The following NCAM2 variants were observed in gnomAD, a reference collection of about 807,000 sequenced individuals.
The protein encoded by NCAM2 is neural cell adhesion molecule 2.
In NCAM2, 30 loss-of-function variants were observed where a neutral mutation model predicts 98.1. That is an observed-to-expected ratio of 0.31 (90% CI 0.23 to 0.41). The LOEUF (loss-of-function observed/expected upper bound fraction) is 0.41. Among genes scored for constraint, NCAM2 ranks in the 10% least tolerant of loss-of-function variants. The pLI is 1.00. For synonymous variants in NCAM2, 368 were observed against 342.4 expected (o/e 1.07, Z -0.83); for missense variants, 867 against 1,005.8 (o/e 0.86, Z 1.87).
At chr21:21,492,422 A>G (rs1370061601) in intron 15 of NCAM2, among the ~76,000 whole-genome samples, 1 of 151,848 alleles carries the variant, frequency 6.6e-6, no homozygotes, top group African/African-American at 2.4e-5. Context: ...CAGTATTTCT[A>G]TTAGTCAGCT....
chr21:21,080,884 T>A (rs2065783795), intron 1 of NCAM2, among the ~76,000 whole-genome samples: 1 of 152,020 alleles, frequency 6.6e-6, no homozygotes, highest in African/African-American at 2.4e-5. Flanking sequence ...AAAGGGAGAT[T>A]GAGGCAAGTT....
At chr21:21,427,605 G>T (rs1034532884) in intron 11 of NCAM2, among the ~76,000 whole-genome samples, 1 of 152,180 alleles carries the variant, frequency 6.6e-6, no homozygotes, top group Non-Finnish European at 1.5e-5. Context: ...ATGGGAAGAT[G>T]TTGGACAAAG....
At chr21:21,451,470 A>T (rs899209101) in intron 12 of NCAM2, among the ~76,000 whole-genome samples, 4 of 152,162 alleles carry the variant, frequency 2.6e-5, no homozygotes, top group South Asian at 2.1e-4. Context: ...CAAGATTTTT[A>T]AAAAATTCCA....
At chr21:21,335,470 G>C (rs771333532) in intron 6 of NCAM2, 35 bp from the exon 7 acceptor site, 1 of 1,552,014 alleles carries the variant, frequency 6.4e-7, no homozygotes, top group Non-Finnish European at 8.7e-7. Context: ...TATAAAGCCA[G>C]ATCTGTGAGG....
intron 1 of NCAM2, among the ~76,000 whole-genome samples, chr21:21,238,528 A>G (rs2070935237): frequency 6.9e-6 from 1 of 145,642 alleles, no homozygotes; most frequent in Non-Finnish European, 1.5e-5. Flanking sequence ...ACGTGAAATC[A>G]TAAAGATGTT....
At chr21:21,381,819 C>T (rs1051690762) in intron 9 of NCAM2, among the ~76,000 whole-genome samples, 2 of 152,092 alleles carry the variant, frequency 1.3e-5, no homozygotes, top group African/African-American at 4.8e-5. Flanking sequence ...ATTCTTCCTT[C>T]ATTTTTGAAG....
At chr21:21,502,686 T>C (rs1024913989) in intron 15 of NCAM2, among the ~76,000 whole-genome samples, 14 of 152,118 alleles carry the variant, frequency 9.2e-5, no homozygotes, top group African/African-American at 3.4e-4. Context: ...AAAGATACCG[T>C]ACGTAGTAAT....
chr21:21,368,535 G>T (rs943292031), intron 8 of NCAM2, among the ~76,000 whole-genome samples: 22 of 151,820 alleles, frequency 1.4e-4, no homozygotes, highest in African/African-American at 4.1e-4. Flanking sequence ...TCTAGAGACT[G>T]GGAAGTCCAA....
At chr21:21,273,412 A>G (rs2072605675) in intron 1 of NCAM2, among the ~76,000 whole-genome samples, 1 of 152,166 alleles carries the variant, frequency 6.6e-6, no homozygotes, top group African/African-American at 2.4e-5. Flanking sequence ...TATATACTAT[A>G]CTATATACTA....
chr21:21,487,139 AT>A (rs758404351), intron 15 of NCAM2, among the ~76,000 whole-genome samples: 3 of 152,260 alleles, frequency 2.0e-5, no homozygotes, highest in East Asian at 3.9e-4. Context: ...AACCTTAGAC[AT>A]TTTACATCCT....
At chr21:21,097,109 C>T (rs1451196583) in intron 1 of NCAM2, among the ~76,000 whole-genome samples, 5 of 151,684 alleles carry the variant, frequency 3.3e-5, no homozygotes, top group East Asian at 1.9e-4. Context: ...GTAAACATCA[C>T]GTGGGTTTTT....
intron 1 of NCAM2, among the ~76,000 whole-genome samples, chr21:21,042,341 C>A (rs2146264908): frequency 6.6e-6 from 1 of 152,194 alleles, no homozygotes; most frequent in Admixed American, 6.5e-5. Context: ...TGCACCACCA[C>A]ACCCAGCTAA....
At chr21:21,324,346 T>A (rs2074455006) in intron 5 of NCAM2, 37 bp from the exon 6 acceptor site, 3 of 1,492,338 alleles carry the variant, frequency 2.0e-6, no homozygotes, top group Non-Finnish European at 2.8e-6. Flanking sequence ...TGAAGGTGTT[T>A]TCGTCTCTAT....
chr21:21,010,285 A>G (rs984396596), intron 1 of NCAM2, among the ~76,000 whole-genome samples: 72 of 151,964 alleles, frequency 4.7e-4, no homozygotes, highest in African/African-American at 1.7e-3. Context: ...GCAATTTAAG[A>G]ACAAAACTTA....
chr21:21,093,731 C>A (rs950256608), intron 1 of NCAM2, among the ~76,000 whole-genome samples: 2 of 151,910 alleles, frequency 1.3e-5, no homozygotes, highest in Non-Finnish European at 2.9e-5. Flanking sequence ...AACAGTAATT[C>A]CCTTGATGTT....
At chr21:21,280,763 T>G in intron 2 of NCAM2, 111 bp downstream of exon 2, 1 of 673,862 alleles carries the variant, frequency 1.5e-6, no homozygotes, top group East Asian at 3.2e-5. Flanking sequence ...CAATAACATC[T>G]TACAGTTGGT....
At chr21:21,459,011 A>C (rs1370066413) in intron 12 of NCAM2, among the ~76,000 whole-genome samples, 1 of 152,146 alleles carries the variant, frequency 6.6e-6, no homozygotes, top group African/African-American at 2.4e-5. Flanking sequence ...CACAAAACCA[A>C]ATAACCCAAT....
chr21:21,442,281 G>T (rs1979408660), intron 12 of NCAM2, among the ~76,000 whole-genome samples: 1 of 152,088 alleles, frequency 6.6e-6, no homozygotes, highest in African/African-American at 2.4e-5. Context: ...AGTTGAGGAG[G>T]GATGGGAAGA....
intron 12 of NCAM2, among the ~76,000 whole-genome samples, chr21:21,455,452 A>C (rs1442013133): frequency 1.3e-5 from 2 of 151,964 alleles, no homozygotes; most frequent in African/African-American, 4.8e-5. Flanking sequence ...GAATAATTCA[A>C]ATAAGCATTT....
Sources: allele counts gnomAD v4.1 joint callset (sites outside exome capture counted in the v4.1 genomes callset), GRCh38; gene constraint gnomAD v4.1.1; transcripts MANE v1.5; gene names NCBI Gene and HGNC (gene_info 2026-07-23, HGNC 2026-07-21).